Variants in DRD3 observed in about 807,000 individuals in gnomAD.
DRD3 encodes D(3) dopamine receptor.
A neutral mutation model predicts 36.3 loss-of-function variants in DRD3; 19 were observed. The ratio of observed to expected loss-of-function variants is 0.52; its 90% confidence interval spans 0.36 to 0.77. DRD3 has a LOEUF of 0.77. Among genes scored for constraint, DRD3 ranks in the 30% least tolerant of loss-of-function variants. The pLI is 0.00. For missense variants in DRD3, 465 were observed against 505.3 expected (o/e 0.92, Z 0.77); for synonymous variants, 195 against 203.7 (o/e 0.96, Z 0.36).
chr3:114,174,052 T>TA (rs770347203), intron 1 of DRD3, among the ~76,000 whole-genome samples: 2 of 152,172 alleles, frequency 1.3e-5, no homozygotes, highest in African/African-American at 2.4e-5. Flanking sequence ...GAGAATTGTT[T>TA]AAAAAAATTG....
intron 5 of DRD3, 34 bp from the exon 6 acceptor site, chr3:114,131,434 C>T (rs1559979544): frequency 1.9e-6 from 3 of 1,590,964 alleles, no homozygotes; most frequent in Non-Finnish European, 2.6e-6. Context: ...CTTGACATTT[C>T]TGGGGGTATT....
At chr3:114,156,787 C>A (rs988883938) in intron 3 of DRD3, among the ~76,000 whole-genome samples, 1 of 74,718 alleles carries the variant, frequency 1.3e-5, no homozygotes, top group African/African-American at 4.7e-5. Context: ...TTCTTTCTTT[C>A]TTTCTTTCTT....
At chr3:114,174,253 C>T (rs188061534) in intron 1 of DRD3, among the ~76,000 whole-genome samples, 3 of 152,178 alleles carry the variant, frequency 2.0e-5, no homozygotes, top group Non-Finnish European at 2.9e-5. Context: ...ACTTTTAAGG[C>T]AGGCTGAGGC....
At chr3:114,132,632 A>T (rs998851342) in intron 5 of DRD3, among the ~76,000 whole-genome samples, 3 of 152,050 alleles carry the variant, frequency 2.0e-5, no homozygotes, top group Non-Finnish European at 4.4e-5. Context: ...CAACCTCTTG[A>T]GCAGGGTAGC....
At chr3:114,146,885 C>A (rs898632471) in intron 4 of DRD3, among the ~76,000 whole-genome samples, 1 of 152,020 alleles carries the variant, frequency 6.6e-6, no homozygotes, top group South Asian at 2.1e-4. Context: ...TGCCAACCAT[C>A]ATACCCAGAA....
intron 1 of DRD3, among the ~76,000 whole-genome samples, chr3:114,187,053 G>A (rs1044703392): frequency 6.6e-6 from 1 of 152,212 alleles, no homozygotes; most frequent in South Asian, 2.1e-4. Context: ...TGTTTCAACT[G>A]TTTTATTCTA....
chr3:114,150,782 C>G (rs1446177586), intron 3 of DRD3, among the ~76,000 whole-genome samples: 1 of 152,198 alleles, frequency 6.6e-6, no homozygotes, highest in African/African-American at 2.4e-5. Flanking sequence ...AGGGATCGGG[C>G]AAGGCTTCCT....
intron 4 of DRD3, among the ~76,000 whole-genome samples, chr3:114,146,256 TA>T (rs2077568701): frequency 6.6e-6 from 1 of 152,172 alleles, no homozygotes; most frequent in Non-Finnish European, 1.5e-5. Flanking sequence ...ACTAGACATT[TA>T]CAAACCTGGA....
At chr3:114,179,104 T>A (rs1008407723), upstream of DRD3, 1 of 152,194 alleles carries the variant, frequency 6.6e-6, no homozygotes, top group Admixed American at 6.5e-5. Context: ...TCAGTGCTCT[T>A]TTTAATCTTA....
chr3:114,181,867 G>A (rs910222400), upstream of DRD3, among the ~76,000 whole-genome samples: 4 of 152,118 alleles, frequency 2.6e-5, no homozygotes, highest in African/African-American at 4.8e-5. Context: ...CTTGAGCACC[G>A]ACCATTGAGT....
chr3:114,146,131 C>A (rs2077567660), intron 4 of DRD3, among the ~76,000 whole-genome samples: 1 of 152,172 alleles, frequency 6.6e-6, no homozygotes, highest in Non-Finnish European at 1.5e-5. Flanking sequence ...CATTGTCCAG[C>A]AAATGACACT....
upstream of DRD3, among the ~76,000 whole-genome samples, chr3:114,182,945 C>A (rs1016991432): frequency 2.0e-5 from 3 of 152,208 alleles, no homozygotes; most frequent in Non-Finnish European, 4.4e-5. Flanking sequence ...CATGACACTG[C>A]TATGAACATA....
chr3:114,149,664 C>A (rs1305012448), intron 3 of DRD3, among the ~76,000 whole-genome samples: 1 of 152,164 alleles, frequency 6.6e-6, no homozygotes, highest in African/African-American at 2.4e-5. Flanking sequence ...GTGGGCCTGA[C>A]CTAATTAGGT....
intron 2 of DRD3, among the ~76,000 whole-genome samples, chr3:114,162,483 AAT>A (rs1217197598): frequency 6.6e-6 from 1 of 152,226 alleles, no homozygotes. Flanking sequence ...CAACCATGAA[AAT>A]ATATTCTGAA....
At chr3:114,154,068 T>C (rs1396362956) in intron 3 of DRD3, among the ~76,000 whole-genome samples, 1 of 152,212 alleles carries the variant, frequency 6.6e-6, no homozygotes, top group African/African-American at 2.4e-5. Context: ...AATAGAGTGC[T>C]GGTGGAAAGT....
chr3:114,197,277 ATT>A (rs58452737), intron 1 of DRD3, among the ~76,000 whole-genome samples: 10,587 of 89,140 alleles, frequency 0.12, 367 homozygotes, highest in African/African-American at 0.31. Flanking sequence ...AATTAAAAAA[ATT>A]TTTTTTTTTT....
intron 1 of DRD3, among the ~76,000 whole-genome samples, chr3:114,175,386 T>C (rs1560000088): frequency 6.6e-6 from 1 of 152,158 alleles, no homozygotes; most frequent in African/African-American, 2.4e-5. Context: ...TGCTTAAACA[T>C]TCATGAAGAC....
At chr3:114,155,034 A>C (rs1028469081) in intron 3 of DRD3, among the ~76,000 whole-genome samples, 6 of 152,234 alleles carry the variant, frequency 3.9e-5, no homozygotes, top group African/African-American at 1.4e-4. Context: ...TTGCTTTCAA[A>C]AACCCTTTTA....
At chr3:114,189,517 C>T (rs540912089) in intron 1 of DRD3, among the ~76,000 whole-genome samples, 7 of 152,234 alleles carry the variant, frequency 4.6e-5, no homozygotes, top group African/African-American at 1.7e-4. Flanking sequence ...TTCTAAGATC[C>T]TTTGAAAAGC....
Sources: allele counts gnomAD v4.1 joint callset (sites outside exome capture counted in the v4.1 genomes callset), GRCh38; gene constraint gnomAD v4.1.1; transcripts MANE v1.5; gene names NCBI Gene and HGNC (gene_info 2026-07-23, HGNC 2026-07-21).